Variants in ZFPM2 observed in about 807,000 individuals in gnomAD.
ZFPM2 encodes the protein zinc finger protein, FOG family member 2.
In ZFPM2, 20 loss-of-function variants were observed where a neutral mutation model predicts 98.6. The observed-to-expected ratio is 0.20, with a 90% CI of 0.14 to 0.29. The LOEUF is 0.29. ZFPM2 is among the 10% of genes least tolerant of loss of function. The pLI is 1.00. For synonymous variants in ZFPM2, 518 were observed against 502.7 expected (o/e 1.03, Z -0.41); for missense variants, 1,310 against 1,388.6 (o/e 0.94, Z 0.90).
At position 105,790,339 on chromosome 8, in the gene ZFPM2, G is replaced by A. The variant is rs552260553; in HGVS notation, c.739+1415G>A. On this transcript the variant is annotated intron_variant, in intron 6 of 7. Coordinates refer to ENST00000407775, the MANE Select transcript of ZFPM2 (RefSeq NM_012082.4). ...TTTTCCCAGCACCATTTATTAAATA[G>A]GGAATCCTTTCCCCATTGCTTGTTT... is the stretch of plus-strand genomic sequence containing the variant. Among the ~76,000 whole-genome samples the A allele has an allele frequency of 2.1e-3, 312 of 152,192 alleles. 1 individual carries two copies. The highest frequency in any genetic ancestry group is 3.5e-3 in the Non-Finnish European group (240 of 68,016).
intron 1 of ZFPM2, among the ~76,000 whole-genome samples, chr8:105,350,478 AGTAGT>A (rs1812620100): frequency 6.6e-6 from 1 of 152,216 alleles, no homozygotes; most frequent in African/African-American, 2.4e-5. Flanking sequence ...ATAAAAAGAG[AGTAGT>A]GTAGATTGAA....
rs571240524 is a variant in ZFPM2 at position 105,518,366 on chromosome 8, G to A, written c.302-42997G>A. Among the ~76,000 whole-genome samples the A allele has an allele frequency of 7.0e-4, 107 of 152,190 alleles. 1 individual carries two copies. The South Asian group carries it at 0.021, about 30-fold the overall frequency. ...TTTTAGCTCAGATGGATAGCAACTCGTCTTTCATGGTACAGTTTATTTATT... is the reference window on the plus strand; with the variant it reads ...TTTTAGCTCAGATGGATAGCAACTCATCTTTCATGGTACAGTTTATTTATT... On this transcript the variant is annotated intron_variant, in intron 3 of 7. Transcript: ENST00000407775.
chr8:105,796,700 A>G (rs754936219), intron 6 of ZFPM2: 3 of 152,116 alleles, frequency 2.0e-5, no homozygotes, highest in Non-Finnish European at 4.4e-5. Context: ...AAATTATAAG[A>G]TCAGCCATTT....
At chr8:105,579,631 C>G (rs929927250) in intron 4 of ZFPM2, among the ~76,000 whole-genome samples, 2 of 152,066 alleles carry the variant, frequency 1.3e-5, no homozygotes, top group Admixed American at 6.6e-5. Flanking sequence ...AAGAGCATAT[C>G]GTGGGTGTGT....
chr8:105,380,900 T>C (rs12550230), intron 1 of ZFPM2, among the ~76,000 whole-genome samples: 549 of 43,740 alleles, frequency 0.013, 1 homozygote, highest in Non-Finnish European at 0.022. Flanking sequence ...ATATATATAA[T>C]ATATAATATA....
intron 3 of ZFPM2, among the ~76,000 whole-genome samples, chr8:105,461,815 A>G (rs1287799793): frequency 1.3e-5 from 2 of 152,144 alleles, no homozygotes; most frequent in Admixed American, 6.6e-5. Flanking sequence ...TTGACCAATC[A>G]GGAAACTGAG....
At chr8:105,680,629 T>G (rs540755068) in intron 5 of ZFPM2, among the ~76,000 whole-genome samples, 1 of 152,214 alleles carries the variant, frequency 6.6e-6, no homozygotes, top group East Asian at 1.9e-4. Flanking sequence ...AAAGAGAAAT[T>G]ATGTTCCTTT....
chr8:105,572,035 T>TTC (rs1815366547), intron 4 of ZFPM2, among the ~76,000 whole-genome samples: 2 of 82,662 alleles, frequency 2.4e-5, no homozygotes, highest in African/African-American at 9.1e-5. Flanking sequence ...GTAAATTTCT[T>TTC]TTTTTTTTTT....
intron 3 of ZFPM2, among the ~76,000 whole-genome samples, chr8:105,447,605 G>T (rs1563663706): frequency 6.6e-6 from 1 of 152,066 alleles, no homozygotes; most frequent in Non-Finnish European, 1.5e-5. Flanking sequence ...CGATTTCAAG[G>T]TCTTCTAATT....
chr8:105,730,690 G>A (rs887242914), intron 5 of ZFPM2, among the ~76,000 whole-genome samples: 14 of 150,588 alleles, frequency 9.3e-5, no homozygotes, highest in African/African-American at 3.2e-4. Context: ...AATACACACA[G>A]TATATTAAAG....
intron 3 of ZFPM2, among the ~76,000 whole-genome samples, chr8:105,447,128 T>G (rs949069584): frequency 6.6e-6 from 1 of 152,056 alleles, no homozygotes; most frequent in Non-Finnish European, 1.5e-5. Context: ...CTGATATGAC[T>G]ATTACACATT....
chr8:105,651,516 T>C (rs937482484), intron 5 of ZFPM2, among the ~76,000 whole-genome samples: 4 of 151,680 alleles, frequency 2.6e-5, no homozygotes, highest in Non-Finnish European at 5.9e-5. Flanking sequence ...TATCTACCCT[T>C]GGACATCATA....
chr8:105,777,873 T>C (rs1813139871), intron 5 of ZFPM2, among the ~76,000 whole-genome samples: 1 of 151,956 alleles, frequency 6.6e-6, no homozygotes, highest in Non-Finnish European at 1.5e-5. Flanking sequence ...GCTAAAAGAG[T>C]AGTGCTTAAT....
chr8:105,563,548 G>A (rs1206368633), intron 4 of ZFPM2, among the ~76,000 whole-genome samples: 2 of 152,150 alleles, frequency 1.3e-5, no homozygotes, highest in Non-Finnish European at 2.9e-5. Flanking sequence ...GATTTGTGAT[G>A]TAGCCACAAA....
intron 3 of ZFPM2, among the ~76,000 whole-genome samples, chr8:105,516,802 C>G (rs1462401411): frequency 6.6e-6 from 1 of 152,160 alleles, no homozygotes; most frequent in African/African-American, 2.4e-5. Flanking sequence ...GTGTCCAGCA[C>G]CGTTCCAGAG....
intron 3 of ZFPM2, among the ~76,000 whole-genome samples, chr8:105,476,995 T>G (rs1191614830): frequency 7.9e-5 from 12 of 152,132 alleles, no homozygotes; most frequent in Admixed American, 7.2e-4. Flanking sequence ...GTTTGGTGTT[T>G]CATCTTTATT....
intron 1 of ZFPM2, among the ~76,000 whole-genome samples, chr8:105,335,267 A>G (rs1220023977): frequency 2.6e-5 from 4 of 151,672 alleles, no homozygotes; most frequent in Admixed American, 2.6e-4. Context: ...GTCTCTTAGC[A>G]TTTTCAGCCT....
At chr8:105,759,843 T>C (rs536526319) in intron 5 of ZFPM2, among the ~76,000 whole-genome samples, 52 of 152,164 alleles carry the variant, frequency 3.4e-4, no homozygotes, top group African/African-American at 1.2e-3. Context: ...TCCTGACCAT[T>C]GCCAGGGATA....
At chr8:105,419,971 G>A (rs951704041) in intron 2 of ZFPM2, among the ~76,000 whole-genome samples, 1 of 151,974 alleles carries the variant, frequency 6.6e-6, no homozygotes, top group Admixed American at 6.6e-5. Context: ...TTTTTCATAA[G>A]TCAGTTTAAG....
Sources: gnomAD v4.1 joint callset for allele counts (sites outside exome capture counted in the v4.1 genomes callset) on GRCh38, gnomAD v4.1.1 for gene constraint, MANE v1.5 for transcripts, NCBI Gene and HGNC (gene_info 2026-07-23, HGNC 2026-07-21) for gene names.